The following GRM5 variants were observed in gnomAD, a reference collection of about 807,000 sequenced individuals.
GRM5 encodes the protein metabotropic glutamate receptor 5.
GRM5 carries 19 observed loss-of-function variants against 83.1 expected under a neutral mutation model. The observed-to-expected ratio is 0.23, with a 90% CI of 0.16 to 0.34. The LOEUF (loss-of-function observed/expected upper bound fraction) is 0.34, where lower values mean the gene tolerates loss of function less well. GRM5 is among the 10% of genes least tolerant of loss of function. The probability of loss-of-function intolerance (pLI) is 1.00; values close to 1 mark genes in which losing one functional copy is unlikely to be tolerated. For missense variants in GRM5, 1,160 were observed against 1,588.3 expected (o/e 0.73, Z 4.58); for synonymous variants, 675 against 633.6 (o/e 1.07, Z -0.98).
At chr11:88,759,250 G>A (rs1018535981) in intron 3 of GRM5, among the ~76,000 whole-genome samples, 3 of 152,026 alleles carry the variant, frequency 2.0e-5, no homozygotes, top group Admixed American at 6.6e-5. Flanking sequence ...ATGTAAATGG[G>A]CTAAATCTCC....
intron 2 of GRM5, among the ~76,000 whole-genome samples, chr11:89,016,015 T>C (rs909979300): frequency 6.6e-6 from 1 of 152,046 alleles, no homozygotes; most frequent in African/African-American, 2.4e-5. Context: ...TTGCAGATAT[T>C]GAAACAATCA....
chr11:88,718,608 A>G (rs1304719669), intron 3 of GRM5, among the ~76,000 whole-genome samples: 2 of 151,982 alleles, frequency 1.3e-5, no homozygotes, highest in African/African-American at 4.8e-5. Context: ...AGGCATTGTC[A>G]TCTTTTAATC....
chr11:88,522,314 A>T (rs571804500), intron 9 of GRM5, among the ~76,000 whole-genome samples: 6 of 152,156 alleles, frequency 3.9e-5, no homozygotes, highest in Non-Finnish European at 8.8e-5. Flanking sequence ...ATTTGGATTA[A>T]CTACTTCAAC....
chr11:88,989,804 T>G (rs1939894951), intron 2 of GRM5, among the ~76,000 whole-genome samples: 1 of 150,884 alleles, frequency 6.6e-6, no homozygotes, highest in Non-Finnish European at 1.5e-5. Context: ...AGATGTTCTT[T>G]GAAACCAACG....
chr11:88,990,822 C>A (rs1365904189), intron 2 of GRM5, among the ~76,000 whole-genome samples: 2 of 151,546 alleles, frequency 1.3e-5, no homozygotes, highest in African/African-American at 2.4e-5. Context: ...ACCCTTCATG[C>A]TAAAAACTCT....
intron 7 of GRM5, among the ~76,000 whole-genome samples, chr11:88,581,825 T>C (rs138522137): frequency 2.2e-4 from 33 of 152,218 alleles, no homozygotes; most frequent in Middle Eastern, 6.8e-3. Flanking sequence ...TTGGAAAAAA[T>C]ATTTTGAGAC....
At position 88,619,791 on chromosome 11, in the gene GRM5, C is replaced by T. The variant is rs368828544; in HGVS notation, c.1148-14827G>A. On this transcript the variant is annotated intron_variant, in intron 4 of 9. Coordinates refer to ENST00000305447, the MANE Select transcript of GRM5 (RefSeq NM_001143831.3). ...GATTGTCCTCACTGTTTCTTCTGTA[C>T]CCATTAGTAAGGAAAGGATAGTAAA... 4.1e-4 allele frequency among the ~76,000 whole-genome samples: 63 copies of T among 152,016 alleles called. 1 individual carries two copies. The East Asian group carries it at 0.01, about 25-fold the overall frequency.
intron 3 of GRM5, among the ~76,000 whole-genome samples, chr11:88,730,347 G>A (rs1448908875): frequency 6.6e-6 from 1 of 152,116 alleles, no homozygotes; most frequent in Non-Finnish European, 1.5e-5. Context: ...CAATTAGAAT[G>A]GCGATTATTA....
chr11:88,806,137 T>G (rs898747663), intron 3 of GRM5, among the ~76,000 whole-genome samples: 1 of 152,204 alleles, frequency 6.6e-6, no homozygotes, highest in South Asian at 2.1e-4. Context: ...AACTTTGTGG[T>G]TCTTAACTAG....
intron 2 of GRM5, among the ~76,000 whole-genome samples, chr11:88,874,350 C>T (rs980341408): frequency 2.6e-5 from 4 of 151,676 alleles, no homozygotes; most frequent in African/African-American, 9.7e-5. Flanking sequence ...GGACAGTCTC[C>T]TTAATAAAGG....
chr11:88,784,078 C>A (rs1209344280), intron 3 of GRM5, among the ~76,000 whole-genome samples: 1 of 151,914 alleles, frequency 6.6e-6, no homozygotes, highest in Non-Finnish European at 1.5e-5. Flanking sequence ...ATACATTTAC[C>A]ACTATACCAC....
chr11:88,814,530 A>G (rs1003688601), intron 3 of GRM5, among the ~76,000 whole-genome samples: 1 of 152,206 alleles, frequency 6.6e-6, no homozygotes, highest in African/African-American at 2.4e-5. Flanking sequence ...GACACAGTAG[A>G]ATACTCAGAA....
intron 3 of GRM5, among the ~76,000 whole-genome samples, chr11:88,780,023 C>T (rs79432530): frequency 0.054 from 8,185 of 152,202 alleles, 402 homozygotes; most frequent in Admixed American, 0.16. Flanking sequence ...TCCCCATGCC[C>T]TCTTTGGCTA....
chr11:89,052,654 C>A (rs1182480055), intron 1 of GRM5, among the ~76,000 whole-genome samples: 1 of 152,108 alleles, frequency 6.6e-6, no homozygotes, highest in Admixed American at 6.5e-5. Context: ...ACAACCCCTA[C>A]ACAAAATGCT....
rs188177632 is a variant in GRM5, at chr11:88,953,185, C to T, written c.661+94027G>A. ...TTGTAAGACTCGTGTTTATTGTTTG[C>T]GGATTGAGGGTTTTGAGGAAAGAGA... On this transcript the variant is annotated intron_variant, in intron 2 of 9. Transcript: ENST00000305447. Among the ~76,000 whole-genome samples the T allele has an allele frequency of 1.3e-4, 20 of 152,168 alleles. No individual in the cohort carries two copies. In the South Asian group the frequency reaches 1.5e-3, roughly 11 times the overall value.
At chr11:88,986,524 CTTT>C (rs200157438) in intron 2 of GRM5, among the ~76,000 whole-genome samples, 2,923 of 152,104 alleles carry the variant, frequency 0.019, 81 homozygotes, top group African/African-American at 0.065. Context: ...TTATTCAACT[CTTT>C]TGCTCATTTT....
chr11:88,867,958 G>T (rs1045062993), intron 2 of GRM5, among the ~76,000 whole-genome samples: 43 of 151,858 alleles, frequency 2.8e-4, no homozygotes, highest in Non-Finnish European at 1.8e-4. Flanking sequence ...AAATCCTTAG[G>T]CTACATGAAA....
At chr11:88,551,523 C>T (rs1035941008) in intron 8 of GRM5, among the ~76,000 whole-genome samples, 1 of 152,128 alleles carries the variant, frequency 6.6e-6, no homozygotes. Context: ...CTTTTTTCCC[C>T]CTCCAGAAAT....
At chr11:88,835,895 G>C (rs952431442) in intron 3 of GRM5, among the ~76,000 whole-genome samples, 54 of 152,192 alleles carry the variant, frequency 3.5e-4, no homozygotes, top group African/African-American at 1.3e-3. Flanking sequence ...TATGTTCCAG[G>C]ATGTTGAAGT....
Sources: allele counts gnomAD v4.1 joint callset (sites outside exome capture counted in the v4.1 genomes callset), GRCh38; gene constraint gnomAD v4.1.1; transcripts MANE v1.5; gene names NCBI Gene and HGNC (gene_info 2026-07-23, HGNC 2026-07-21).